ADGRL3: variants seen among roughly 807,000 people sequenced by gnomAD.
ADGRL3 encodes the protein adhesion G protein-coupled receptor L3.
ADGRL3 carries 62 observed loss-of-function variants against 153.5 expected under a neutral mutation model. The observed-to-expected ratio is 0.40, with a 90% confidence interval of 0.33 to 0.50. The LOEUF is 0.50. Among genes scored for constraint, ADGRL3 ranks in the 20% least tolerant of loss-of-function variants. The pLI is 0.47. For missense variants in ADGRL3, 1,641 were observed against 1,859.4 expected, an observed-to-expected ratio of 0.88 and a Z score of 2.16; for synonymous variants, 710 against 672.5, an observed-to-expected ratio of 1.06 and a Z score of -0.86.
intron 2 of ADGRL3, among the ~76,000 whole-genome samples, chr4:61,496,216 T>C (rs199668356): frequency 7.4e-6 from 1 of 135,854 alleles, no homozygotes; most frequent in African/African-American, 2.7e-5. Context: ...AAGTAAGACA[T>C]ATATTTACCT....
At chr4:61,502,451 TA>T (rs377174884) in intron 3 of ADGRL3, among the ~76,000 whole-genome samples, 1 of 148,812 alleles carries the variant, frequency 6.7e-6, no homozygotes, top group African/African-American at 2.5e-5. Flanking sequence ...AACTGCAACG[TA>T]AAAAAAATGC....
At chr4:61,845,642 A>T (rs897365000) in intron 9 of ADGRL3, among the ~76,000 whole-genome samples, 4 of 151,358 alleles carry the variant, frequency 2.6e-5, no homozygotes, top group African/African-American at 9.7e-5. Flanking sequence ...CTGAGATTAT[A>T]GGTGTAAGCC....
Position 62,076,200 on chromosome 4 carries a change from T to C in ADGRL3, c.*5292T>C, listed in dbSNP as rs1343523144. ...TTTAAAAGTCAGCACTTCTTTCACA[T>C]CTAGCACCTATAAGTTACTATTCAA... On this transcript the variant is annotated 3_prime_UTR_variant, in exon 27 of 27. Transcript: ENST00000683033. 6.6e-6 allele frequency: 1 copy of C among 152,138 alleles called. No individual in the cohort carries two copies. 9.4% of individuals were successfully genotyped at this position (152,138 alleles called of 1,614,324 possible).
chr4:61,988,156 A>AT (rs1300560040), intron 19 of ADGRL3, among the ~76,000 whole-genome samples: 1 of 152,108 alleles, frequency 6.6e-6, no homozygotes, highest in Non-Finnish European at 1.5e-5. Context: ...AAGCATACAA[A>AT]TTTGATTCTG....
intron 2 of ADGRL3, among the ~76,000 whole-genome samples, chr4:61,464,575 A>C (rs2152629567): frequency 6.6e-6 from 1 of 152,312 alleles, no homozygotes; most frequent in African/African-American, 2.4e-5. Flanking sequence ...TTTGAAAATC[A>C]GAGTCTTTAA....
intron 1 of ADGRL3, among the ~76,000 whole-genome samples, chr4:61,283,988 A>G (rs746914717): frequency 5.3e-5 from 8 of 152,004 alleles, no homozygotes; most frequent in Non-Finnish European, 1.2e-4. Flanking sequence ...ACCTGCTTGC[A>G]TACAAAATCA....
intron 25 of ADGRL3, among the ~76,000 whole-genome samples, chr4:62,050,886 A>G (rs1210961971): frequency 6.6e-6 from 1 of 151,860 alleles, no homozygotes; most frequent in Non-Finnish European, 1.5e-5. Flanking sequence ...AAGTTAACAA[A>G]TCAGTGTAAC....
rs117687414 is a variant in ADGRL3, at chr4:61,292,094, G to T, written c.-240+90329G>T. Among the ~76,000 whole-genome samples the T allele has an allele frequency of 2.4e-4, 37 of 151,526 alleles. No individual in the cohort carries two copies. In the East Asian group the frequency reaches 7.2e-3, roughly 30 times the overall value. ...TGTGTACTGCTCATTGATGGTATAAGGTTTGTAGGGTCAAAAGTATACAGC... is the reference window on the plus strand; with the variant it reads ...TGTGTACTGCTCATTGATGGTATAATGTTTGTAGGGTCAAAAGTATACAGC... On this transcript the variant is annotated intron_variant, in intron 1 of 26. Transcript: ENST00000683033.
At chr4:62,057,316 A>G (rs1737569758) in intron 25 of ADGRL3, among the ~76,000 whole-genome samples, 2 of 152,134 alleles carry the variant, frequency 1.3e-5, no homozygotes, top group African/African-American at 4.8e-5. Context: ...CACCTATTCT[A>G]TTTTCATAAG....
rs182605035 is a variant in ADGRL3, at chr4:62,021,794, A to G, written c.3396-7061A>G. Among the ~76,000 whole-genome samples, 22 of 152,240 alleles carry G rather than the reference A, an allele frequency of 1.4e-4. No individual in the cohort carries two copies. In the East Asian group the frequency reaches 4.1e-3, roughly 28 times the overall value. On this transcript the variant is annotated intron_variant, in intron 21 of 26. Coordinates refer to ENST00000683033, the MANE Select transcript of ADGRL3 (RefSeq NM_001387552.1). ...TTAGGGCCCCATGAACCTCACCCAT[A>G]TAAGACAGCAAACTTAGTCAATAAA...
chr4:61,912,299 C>T (rs2098725304), intron 12 of ADGRL3, among the ~76,000 whole-genome samples: 1 of 151,976 alleles, frequency 6.6e-6, no homozygotes, highest in African/African-American at 2.4e-5. Context: ...ATCTGTAAAC[C>T]ACAAATAATC....
intron 5 of ADGRL3, among the ~76,000 whole-genome samples, chr4:61,602,132 C>T (rs2099014732): frequency 6.6e-6 from 1 of 151,298 alleles, no homozygotes; most frequent in African/African-American, 2.4e-5. Flanking sequence ...ATCTGCCAAC[C>T]CTGGTTTGGT....
At chr4:61,794,596 T>C (rs897138007) in intron 8 of ADGRL3, among the ~76,000 whole-genome samples, 2 of 152,214 alleles carry the variant, frequency 1.3e-5, no homozygotes, top group Non-Finnish European at 2.9e-5. Flanking sequence ...GTCTATTTCT[T>C]CCCATTTGAA....
chr4:61,343,134 C>T (rs1260781109), intron 1 of ADGRL3, among the ~76,000 whole-genome samples: 2 of 152,152 alleles, frequency 1.3e-5, no homozygotes, highest in Non-Finnish European at 2.9e-5. Context: ...CAGGGTTCCC[C>T]CTAAAACACA....
chr4:61,844,718 A>G (rs2098093235), intron 9 of ADGRL3, among the ~76,000 whole-genome samples: 1 of 151,132 alleles, frequency 6.6e-6, no homozygotes, highest in African/African-American at 2.4e-5. Context: ...AAACTCTCAC[A>G]TTCATTGCAA....
At chr4:61,291,672 GA>G (rs1226839455) in intron 1 of ADGRL3, among the ~76,000 whole-genome samples, 4 of 119,860 alleles carry the variant, frequency 3.3e-5, no homozygotes, top group Admixed American at 1.8e-4. Context: ...GAGTGAGAGA[GA>G]GAAAATGAAT....
At chr4:61,935,256 A>G (rs1369594200) in intron 14 of ADGRL3, among the ~76,000 whole-genome samples, 2 of 152,218 alleles carry the variant, frequency 1.3e-5, no homozygotes, top group Middle Eastern at 3.2e-3. Context: ...TTGAAAACAT[A>G]GTAGCCTGAG....
intron 1 of ADGRL3, among the ~76,000 whole-genome samples, chr4:61,258,349 T>G (rs1299458193): frequency 6.6e-6 from 1 of 152,182 alleles, no homozygotes; most frequent in African/African-American, 2.4e-5. Context: ...CAGGATCCCC[T>G]GGAATTCATA....
intron 6 of ADGRL3, among the ~76,000 whole-genome samples, chr4:61,697,722 A>C (rs1422110208): frequency 6.6e-6 from 1 of 152,220 alleles, no homozygotes; most frequent in Non-Finnish European, 1.5e-5. Flanking sequence ...AATGTAACAA[A>C]CATCAGCCCA....
Sources: gnomAD v4.1 joint callset for allele counts (sites outside exome capture counted in the v4.1 genomes callset) on GRCh38, gnomAD v4.1.1 for gene constraint, MANE v1.5 for transcripts, NCBI Gene and HGNC (gene_info 2026-07-23, HGNC 2026-07-21) for gene names.